The following SUGCT variants were observed in gnomAD, a reference collection of about 807,000 sequenced individuals.
SUGCT encodes succinyl-CoA:glutarate-CoA transferase, also known as succinyl-CoA:glutarate CoA-transferase.
In SUGCT, 41 loss-of-function variants were observed where a neutral mutation model predicts 55.0. The ratio of observed to expected loss-of-function variants is 0.74; its 90% CI spans 0.58 to 0.97. SUGCT has a LOEUF of 0.97. Ranked by LOEUF, SUGCT falls within the 50% of genes least tolerant of loss-of-function variation. The pLI is 0.00. For synonymous variants in SUGCT, 187 were observed against 200.4 expected (o/e 0.93, Z 0.56); for missense variants, 568 against 547.8 (o/e 1.04, Z -0.37).
chr7:40,735,887 G>A (rs976200281), intron 12 of SUGCT, among the ~76,000 whole-genome samples: 6 of 151,790 alleles, frequency 4.0e-5, no homozygotes, highest in African/African-American at 1.5e-4. Context: ...AATTCTACTT[G>A]GCCCAAAAAC....
At chr7:40,961,826 G>A in the SUGCT span, among the ~76,000 whole-genome samples, 15 of 152,028 alleles carry the variant, frequency 9.9e-5, 1 homozygote, top group South Asian at 1.0e-3. Flanking sequence ...TGGCGCATCC[G>A]GAGTTGTTTG....
At chr7:40,257,523 G>A (rs1342433680) in intron 7 of SUGCT, among the ~76,000 whole-genome samples, 9 of 152,076 alleles carry the variant, frequency 5.9e-5, no homozygotes, top group Admixed American at 5.9e-4. Context: ...AAGTAAACCA[G>A]GAGGAAAGAC....
intron 12 of SUGCT, among the ~76,000 whole-genome samples, chr7:40,724,497 A>G (rs937105299): frequency 6.6e-6 from 1 of 151,822 alleles, no homozygotes; most frequent in African/African-American, 2.4e-5. Context: ...TGGGAGGCGG[A>G]GCTTGCAGTG....
At chr7:40,328,747 G>GTGCA (rs1796143955) in intron 9 of SUGCT, among the ~76,000 whole-genome samples, 1 of 151,820 alleles carries the variant, frequency 6.6e-6, no homozygotes, top group African/African-American at 2.4e-5. Context: ...GTGTATGTGT[G>GTGCA]TGCATGTGTG....
chr7:40,984,664 A>T, the SUGCT span, among the ~76,000 whole-genome samples: 1 of 152,160 alleles, frequency 6.6e-6, no homozygotes, highest in African/African-American at 2.4e-5. Flanking sequence ...CTAGGTTGCT[A>T]TAACTATATT....
At chr7:40,376,452 C>T (rs1275464261) in intron 9 of SUGCT, among the ~76,000 whole-genome samples, 6 of 151,392 alleles carry the variant, frequency 4.0e-5, no homozygotes, top group African/African-American at 7.3e-5. Context: ...TGCAGTGGCA[C>T]GTGATCTCCA....
the SUGCT span, among the ~76,000 whole-genome samples, chr7:41,026,402 G>A: frequency 2.0e-5 from 3 of 152,152 alleles, no homozygotes; most frequent in African/African-American, 7.2e-5. Flanking sequence ...GTTTGGACCT[G>A]GCTGTACTAA....
Position 40,311,529 on chromosome 7 carries a change from C to T in SUGCT, c.721-5231C>T, listed in dbSNP as rs375822146. On this transcript the variant is annotated intron_variant, in intron 8 of 13. Transcript: ENST00000335693. ...CTCTGTCTACCTTTCTCTTTCATTT[C>T]GTTTCAGTCTCTTTCTCACCATGGT... Among the ~76,000 whole-genome samples, 6 of 152,226 alleles carry T rather than the reference C, an allele frequency of 3.9e-5. No homozygotes were observed. In the East Asian group the frequency reaches 9.6e-4, roughly 24 times the overall value.
chr7:40,195,068 A>T lies in SUGCT; in HGVS notation c.484+8A>T. The T allele has an allele frequency of 1.2e-6, 2 of 1,610,728 alleles. No homozygotes were observed. The highest frequency in any genetic ancestry group is 1.7e-6 in the Non-Finnish European group (2 of 1,178,380). Reference sequence around the variant, plus strand: ...TCTATTGTTCCATCACAGGTATTTCAACCCCACACCCTTGTCAGTTAAAAG... The same window carrying T: ...TCTATTGTTCCATCACAGGTATTTCTACCCCACACCCTTGTCAGTTAAAAG... On this transcript the variant is annotated splice_region_variant and intron_variant, in intron 6 of 13. Transcript: ENST00000335693.
At chr7:41,027,269 G>T in the SUGCT span, among the ~76,000 whole-genome samples, 1 of 152,114 alleles carries the variant, frequency 6.6e-6, no homozygotes, top group South Asian at 2.1e-4. Context: ...CAGGGCAAGA[G>T]TCCCAAGGAA....
chr7:40,666,558 G>A (rs754262553), intron 12 of SUGCT, among the ~76,000 whole-genome samples: 1 of 151,112 alleles, frequency 6.6e-6, no homozygotes, highest in Admixed American at 6.6e-5. Context: ...GGCGGATAGT[G>A]GGAAGACCAA....
At chr7:40,311,228 T>C (rs1795129862) in intron 8 of SUGCT, among the ~76,000 whole-genome samples, 2 of 152,204 alleles carry the variant, frequency 1.3e-5, no homozygotes, top group Admixed American at 1.3e-4. Context: ...AAAATATATC[T>C]TAAACTCATG....
chr7:40,716,806 A>G (rs1786048634), intron 12 of SUGCT, among the ~76,000 whole-genome samples: 1 of 152,154 alleles, frequency 6.6e-6, no homozygotes, highest in Non-Finnish European at 1.5e-5. Context: ...CGCAGATAAT[A>G]TATTTTATAG....
chr7:40,685,956 T>C (rs1784443783), intron 12 of SUGCT, among the ~76,000 whole-genome samples: 1 of 152,246 alleles, frequency 6.6e-6, no homozygotes, highest in African/African-American at 2.4e-5. Context: ...TGTTGTTACT[T>C]TCTAGATAGA....
intron 6 of SUGCT, among the ~76,000 whole-genome samples, chr7:40,236,987 C>T (rs1029578849): frequency 6.6e-6 from 1 of 152,010 alleles, no homozygotes; most frequent in Non-Finnish European, 1.5e-5. Context: ...CATGCACCAC[C>T]ACACCTGGCT....
the SUGCT span, among the ~76,000 whole-genome samples, chr7:40,953,423 T>C: frequency 6.6e-6 from 1 of 152,214 alleles, no homozygotes; most frequent in African/African-American, 2.4e-5. Flanking sequence ...TGGAGACGTT[T>C]GATTGTCTGA....
chr7:40,627,426 A>G (rs1799573496), intron 12 of SUGCT, among the ~76,000 whole-genome samples: 1 of 152,126 alleles, frequency 6.6e-6, no homozygotes, highest in Admixed American at 6.5e-5. Flanking sequence ...GCAACCAATC[A>G]GAGGCTGAAG....
At chr7:40,537,035 T>C (rs1158310619) in intron 12 of SUGCT, among the ~76,000 whole-genome samples, 3 of 152,162 alleles carry the variant, frequency 2.0e-5, no homozygotes, top group African/African-American at 7.2e-5. Context: ...AAAAAATAAT[T>C]GAAATTGTTG....
intron 12 of SUGCT, among the ~76,000 whole-genome samples, chr7:40,521,188 C>T (rs539296490): frequency 7.2e-5 from 11 of 152,142 alleles, no homozygotes; most frequent in Admixed American, 2.6e-4. Context: ...CTCATGGGGG[C>T]GGATTCACAT....
Sources: allele counts gnomAD v4.1 joint callset (sites outside exome capture counted in the v4.1 genomes callset), GRCh38; gene constraint gnomAD v4.1.1; transcripts MANE v1.5; gene names NCBI Gene and HGNC (gene_info 2026-07-23, HGNC 2026-07-21).